Variants in SCIN observed in about 807,000 individuals in gnomAD.
The protein encoded by SCIN is adseverin.
In SCIN, 91 loss-of-function variants were observed where a neutral mutation model predicts 91.8. That is an observed-to-expected ratio of 0.99 (90% CI 0.84 to 1.18). The LOEUF is 1.18. SCIN is among the 50% of genes most tolerant of loss of function. SCIN has a pLI of 0.00. For synonymous variants in SCIN, 367 were observed against 312.6 expected (o/e 1.17, Z -1.84); for missense variants, 1,087 against 863.9 (o/e 1.26, Z -3.24).
chr7:12,603,534 G>A (rs1783006496), intron 3 of SCIN, among the ~76,000 whole-genome samples: 1 of 152,054 alleles, frequency 6.6e-6, no homozygotes, highest in Non-Finnish European at 1.5e-5. Context: ...CACTCCCACA[G>A]CCACTCCAGG....
At chr7:12,611,261 T>C (rs1394471532) in intron 4 of SCIN, 5 of 152,328 alleles carry the variant, frequency 3.3e-5, no homozygotes, top group Middle Eastern at 3.4e-3. Flanking sequence ...CTGTGCACAT[T>C]GCTAGTGCTT....
chr7:12,621,048 C>G lies in SCIN; in HGVS notation c.667-1753C>G, dbSNP rs541569842. Among the ~76,000 whole-genome samples the G allele has an allele frequency of 7.6e-4, 115 of 152,086 alleles. 1 individual carries two copies. Among genetic ancestry groups the G allele is most frequent in the Non-Finnish European group, 1.4e-3 (97 of 68,008 alleles). On this transcript the variant is annotated intron_variant, in intron 4 of 15. Transcript: ENST00000297029. ...ACCCAAAATGAAAATGTTTCACATT[C>G]AGGCATGATCTTCCAAGCTGTGTTT...
chr7:12,610,501 T>C lies in SCIN; in HGVS notation c.666+5838T>C, dbSNP rs180671940. Among the ~76,000 whole-genome samples the C allele has an allele frequency of 4.6e-5, 7 of 152,338 alleles. No homozygotes were observed. The East Asian group carries it at 1.4e-3, about 29-fold the overall frequency. ...TATATTTGTGTAGCCCTCACAGCTCTAACTCATTGCCCACTCGTATTTGGA... is the reference window on the plus strand; with the variant it reads ...TATATTTGTGTAGCCCTCACAGCTCCAACTCATTGCCCACTCGTATTTGGA... On this transcript the variant is annotated intron_variant, in intron 4 of 15. Transcript: ENST00000297029.
chr7:12,620,388 A>G (rs117100415), intron 4 of SCIN, among the ~76,000 whole-genome samples: 2,422 of 152,224 alleles, frequency 0.016, 24 homozygotes, highest in Middle Eastern at 0.027. Context: ...TCACCATTCT[A>G]CCACTCTATT....
chr7:12,597,635 G>A (rs566903868), intron 3 of SCIN, among the ~76,000 whole-genome samples: 1 of 152,208 alleles, frequency 6.6e-6, no homozygotes, highest in African/African-American at 2.4e-5. Context: ...AGAAATTTTA[G>A]AAACCTCTGA....
chr7:12,640,553 A>G, intron 11 of SCIN, 36 bp downstream of exon 11: 2 of 1,544,928 alleles, frequency 1.3e-6, no homozygotes, highest in South Asian at 2.5e-5. Flanking sequence ...TGCCCTAGTT[A>G]TGGACTTCCC....
At chr7:12,602,056 C>T (rs138695906) in intron 3 of SCIN, among the ~76,000 whole-genome samples, 12 of 152,216 alleles carry the variant, frequency 7.9e-5, no homozygotes, top group East Asian at 3.9e-4. Context: ...CAGATATCGG[C>T]GGAACCCGCT....
intron 4 of SCIN, among the ~76,000 whole-genome samples, chr7:12,608,772 C>T (rs1033913927): frequency 4.6e-5 from 7 of 152,140 alleles, no homozygotes; most frequent in East Asian, 1.9e-4. Flanking sequence ...CCTACGCACC[C>T]GGCCTAAATT....
At chr7:12,598,076 A>G (rs187271324) in intron 3 of SCIN, among the ~76,000 whole-genome samples, 30 of 152,270 alleles carry the variant, frequency 2.0e-4, no homozygotes, top group African/African-American at 4.8e-4. Flanking sequence ...TTGCTTTACA[A>G]TTTTCAGTGT....
intron 2 of SCIN, 27 bp from the exon 3 acceptor site, chr7:12,581,033 G>A (rs1157490719): frequency 1.9e-6 from 3 of 1,542,826 alleles, no homozygotes; most frequent in Non-Finnish European, 2.6e-6. Context: ...TTTGTTTTTT[G>A]TGTGTCTGTC....
At chr7:12,571,460 A>C (rs1462862116) in intron 1 of SCIN, 2 of 367,616 alleles carry the variant, frequency 5.4e-6, no homozygotes, top group Non-Finnish European at 1.1e-5. Context: ...TTTTCTTCAC[A>C]CATTATTTTT....
chr7:12,616,415 TC>T (rs1379344764), intron 4 of SCIN, among the ~76,000 whole-genome samples: 1 of 152,180 alleles, frequency 6.6e-6, no homozygotes, highest in Non-Finnish European at 1.5e-5. Context: ...CTCTTGCCTT[TC>T]TTCCTTATAC....
intron 10 of SCIN, among the ~76,000 whole-genome samples, chr7:12,639,473 G>C (rs1783815452): frequency 6.6e-6 from 1 of 152,142 alleles, no homozygotes; most frequent in African/African-American, 2.4e-5. Flanking sequence ...GACAAACCAG[G>C]GGAAGTGAGA....
chr7:12,578,698 A>G (rs1782423833), intron 2 of SCIN, among the ~76,000 whole-genome samples: 1 of 151,958 alleles, frequency 6.6e-6, no homozygotes, highest in Non-Finnish European at 1.5e-5. Context: ...AGAACTATAC[A>G]TGTATTTCCA....
In SCIN at chr7:12,642,258, G is replaced by A. The variant is rs376187659; in HGVS notation, c.1581+1741G>A. 2.6e-5 allele frequency among the ~76,000 whole-genome samples: 4 copies of A among 151,862 alleles called. No homozygotes were observed. The East Asian group carries it at 7.8e-4, about 29-fold the overall frequency. The stretch of plus-strand genomic sequence containing the variant: ...TCCTTCCCTCTTTTGCTTTCCTAAG[G>A]AATCTCCTGGATTTCTGTCTTTCCC... On this transcript the variant is annotated intron_variant, in intron 11 of 15. Transcript: ENST00000297029.
intron 4 of SCIN, among the ~76,000 whole-genome samples, chr7:12,609,762 A>G (rs1015394128): frequency 1.4e-4 from 22 of 152,108 alleles, no homozygotes; most frequent in African/African-American, 5.3e-4. Flanking sequence ...CTACAGGGAG[A>G]TGGTAGGCAG....
rs374694332 is a variant in SCIN, at chr7:12,649,555, A to G, written c.1959+11A>G. 7 of 1,572,502 alleles carry G rather than the reference A, an allele frequency of 4.5e-6. No homozygotes were observed. The African/African-American group carries it at 8.1e-5, about 18-fold the overall frequency. On this transcript the variant is annotated intron_variant, in intron 14 of 15. Coordinates refer to ENST00000297029, the MANE Select transcript of SCIN (RefSeq NM_001112706.3). ...GATGCTTGGGAACAGGTAAAACTACATTTTGTTCATAAGAAGAGAATGCAT... is the reference window on the plus strand; with the variant it reads ...GATGCTTGGGAACAGGTAAAACTACGTTTTGTTCATAAGAAGAGAATGCAT...
At chr7:12,627,028 T>A (rs1783539891) in intron 8 of SCIN, among the ~76,000 whole-genome samples, 1 of 151,846 alleles carries the variant, frequency 6.6e-6, no homozygotes, top group Non-Finnish European at 1.5e-5. Context: ...AGGTGGAGGC[T>A]GCAGTGAGCC....
At chr7:12,578,546 A>C (rs2115206731) in intron 2 of SCIN, among the ~76,000 whole-genome samples, 1 of 152,268 alleles carries the variant, frequency 6.6e-6, no homozygotes, top group East Asian at 1.9e-4. Flanking sequence ...AAATTTTGGT[A>C]ATTTGGGTCT....
Sources: allele counts gnomAD v4.1 joint callset (sites outside exome capture counted in the v4.1 genomes callset), GRCh38; gene constraint gnomAD v4.1.1; transcripts MANE v1.5; gene names NCBI Gene and HGNC (gene_info 2026-07-23, HGNC 2026-07-21).